MMP8: variants seen among roughly 807,000 people sequenced by gnomAD.
The protein encoded by MMP8 is matrix metallopeptidase 8.
In MMP8, 67 loss-of-function variants were observed where a neutral mutation model predicts 51.2. That is an observed-to-expected ratio of 1.31 (90% CI 1.08 to 1.60). The LOEUF is 1.60. Ranked by LOEUF, MMP8 falls within the 40% of genes most tolerant of loss-of-function variation. The probability of loss-of-function intolerance (pLI) is 0.00; values close to 1 mark genes in which losing one functional copy is unlikely to be tolerated. For missense variants in MMP8, 654 were observed against 558.1 expected (o/e 1.17, Z -1.73); for synonymous variants, 225 against 191.0 (o/e 1.18, Z -1.47).
At chr11:102,715,175 T>C in intron 7 of MMP8, 129 bp downstream of exon 7, 10 of 1,160,458 alleles carry the variant, frequency 8.6e-6, no homozygotes, top group Non-Finnish European at 9.5e-6. Flanking sequence ...CCAACCCTAG[T>C]CTTCTGGCAA....
chr11:102,718,369 T>G (rs1565438783), intron 5 of MMP8, 45 bp downstream of exon 5: 5 of 1,567,142 alleles, frequency 3.2e-6, no homozygotes, highest in Non-Finnish European at 4.3e-6. Flanking sequence ...GTTCGCCTAT[T>G]CCCAGGTCCT....
intron 5 of MMP8, among the ~76,000 whole-genome samples, chr11:102,716,898 A>C (rs920745660): frequency 2.0e-5 from 3 of 152,190 alleles, no homozygotes; most frequent in Non-Finnish European, 4.4e-5. Context: ...CTCACTGTGG[A>C]ATGAAAGGCT....
intron 7 of MMP8, 113 bp from the exon 8 acceptor site, chr11:102,714,822 G>A: frequency 3.9e-6 from 1 of 255,698 alleles, no homozygotes; most frequent in Non-Finnish European, 6.5e-6. Flanking sequence ...TCTTGGTCTT[G>A]CACATAGATA....
At position 102,713,105 on chromosome 11, in the gene MMP8, T is replaced by C. The variant is rs1305072754; in HGVS notation, c.*243A>G. 1 of 378,976 alleles carries C rather than the reference T, an allele frequency of 2.6e-6. No homozygotes were observed. Among genetic ancestry groups the C allele is most frequent in the African/African-American group, 2.1e-5 (1 of 47,652 alleles). The allele number at this position is 378,976 out of a possible 1,614,324, so 23.5% of individuals were successfully genotyped here. ...GTAAATATTGAGGTGACAAAAAGGC[T>C]TACTTTCCTTCTCTTTGATGGAATC... On this transcript the variant is annotated 3_prime_UTR_variant, in exon 10 of 10. Coordinates refer to ENST00000236826, the MANE Select transcript of MMP8 (RefSeq NM_002424.3).
In MMP8 at chr11:102,722,427, A is replaced by G; in HGVS notation, c.347+2T>C. Reference sequence around the variant, plus strand: ...TGTATCCTGAAACCCTAGAGATATCACCTGTAGGTCAAGTTAGTGCGTTCC... The same window carrying G: ...TGTATCCTGAAACCCTAGAGATATCGCCTGTAGGTCAAGTTAGTGCGTTCC... On this transcript the variant is annotated splice_donor_variant, in intron 2 of 9. Coordinates refer to ENST00000236826, the MANE Select transcript of MMP8 (RefSeq NM_002424.3). LOFTEE classifies it high-confidence loss of function. 6.2e-7 allele frequency: 1 copy of G among 1,613,464 alleles called. No homozygotes were observed. Among genetic ancestry groups the G allele is most frequent in the Non-Finnish European group, 8.5e-7 (1 of 1,179,656 alleles).
Position 102,713,201 on chromosome 11 carries a change from T to C in MMP8, c.*147A>G. 1.7e-6 allele frequency: 1 copy of C among 598,766 alleles called. No individual in the cohort carries two copies. The highest frequency in any genetic ancestry group is 3.0e-6 in the Non-Finnish European group (1 of 336,608). The allele number at this position is 598,766 out of a possible 1,614,324, so 37.1% of individuals were successfully genotyped here. On this transcript the variant is annotated 3_prime_UTR_variant, in exon 10 of 10. Coordinates refer to ENST00000236826, the MANE Select transcript of MMP8 (RefSeq NM_002424.3). Reference sequence around the variant, plus strand: ...ATAGTGGAATATTCCAAACATATTTTCACGGAGGACAGGTAGAATGGATAC... The same window carrying C: ...ATAGTGGAATATTCCAAACATATTTCCACGGAGGACAGGTAGAATGGATAC...
intron 7 of MMP8, among the ~76,000 whole-genome samples, 188 bp from the exon 8 acceptor site, chr11:102,714,897 G>C (rs1028818062): frequency 6.6e-6 from 1 of 151,112 alleles, no homozygotes; most frequent in African/African-American, 2.4e-5. Flanking sequence ...GGGGCTGTGA[G>C]AGCCTTAATG....
chr11:102,722,700 C>A (rs1458109204), intron 1 of MMP8, 27 bp from the exon 2 acceptor site: 2 of 1,609,294 alleles, frequency 1.2e-6, no homozygotes, highest in African/African-American at 1.3e-5. Flanking sequence ...ACATAGGGGT[C>A]TTGCTGTGAA....
At chr11:102,723,194 A>G (rs531500144) in intron 1 of MMP8, 113 of 483,738 alleles carry the variant, frequency 2.3e-4, no homozygotes, top group African/African-American at 2.1e-3. Flanking sequence ...AATTTCAAAT[A>G]TCTTTTAGGG....
intron 2 of MMP8, among the ~76,000 whole-genome samples, chr11:102,722,089 T>C (rs564296514): frequency 1.3e-5 from 2 of 152,104 alleles, no homozygotes; most frequent in Non-Finnish European, 2.9e-5. Context: ...TTAGATATTA[T>C]TATTATTATT....
Position 102,712,984 on chromosome 11 carries a change from C to T in MMP8, c.*364G>A. 1 of 182,248 alleles carries T rather than the reference C, an allele frequency of 5.5e-6. No individual in the cohort carries two copies. The highest frequency in any genetic ancestry group is 1.1e-5 in the Non-Finnish European group (1 of 87,148). 11.3% of individuals were successfully genotyped at this position (182,248 alleles called of 1,614,324 possible). A position where few individuals can be genotyped will look rare whatever the true frequency, so the allele number is the denominator to read the frequency against. On this transcript the variant is annotated 3_prime_UTR_variant, in exon 10 of 10. Coordinates refer to ENST00000236826, the MANE Select transcript of MMP8 (RefSeq NM_002424.3). ...TTCTAAATTGCATGTAGAAGATATA[C>T]ATAGGACATTTTAAGAAACTGAGGG...
rs1565434914 is a variant in MMP8 at position 102,713,461 on chromosome 11, TA to T, written c.1295-5del. The T allele has an allele frequency of 1.9e-6, 3 of 1,595,306 alleles. No homozygotes were observed. The highest frequency in any genetic ancestry group is 1.1e-5 in the South Asian group (1 of 90,434). On this transcript the variant is annotated splice_polypyrimidine_tract_variant and splice_region_variant and intron_variant, in intron 9 of 9. Transcript: ENST00000236826. The stretch of plus-strand genomic sequence containing the variant: ...CCACTGAAGACATGGAAGAAATCTA[TA>T]AAAAAAGAGAGATAATTTATTGAAT...
chr11:102,716,195 A>C, intron 6 of MMP8, 107 bp downstream of exon 6: 1 of 793,544 alleles, frequency 1.3e-6, no homozygotes. Context: ...TGAGAAGCAC[A>C]AGTATAGAAT....
intron 6 of MMP8, among the ~76,000 whole-genome samples, chr11:102,715,746 G>C (rs28662184): frequency 0.067 from 10,244 of 152,220 alleles, 448 homozygotes; most frequent in African/African-American, 0.12. Context: ...ATTGCTCCCA[G>C]TAAATGCTGT....
At position 102,715,306 on chromosome 11, in the gene MMP8, T is replaced by G. The variant is rs1324069133; in HGVS notation, c.1034A>C (p.Lys345Thr). 6.2e-7 allele frequency: 1 copy of G among 1,609,344 alleles called. No individual in the cohort carries two copies. The highest frequency in any genetic ancestry group is 8.5e-7 in the Non-Finnish European group (1 of 1,178,480). ...DFDRDLIFLF[K>T]GNQYWALSGY... The stretch of plus-strand genomic sequence containing the variant: ...AGATGAAAACTTTAGGAAGTTACCT[T>G]TAAATAGGAAAATGAGGTCTCTGTC... The change falls in exon 7 of 10, where the codon AAA becomes ACA. Residue 345 changes from lysine (K) to threonine (T), a missense_variant and splice_region_variant. Transcript: ENST00000236826.
At chr11:102,718,374 G>T (rs1455612021) in intron 5 of MMP8, 40 bp downstream of exon 5, 8 of 1,577,408 alleles carry the variant, frequency 5.1e-6, no homozygotes, top group Non-Finnish European at 6.9e-6. Flanking sequence ...CCTATTCCCA[G>T]GTCCTACCAT....
chr11:102,724,878 C>A lies in MMP8; in HGVS notation c.-23G>T. On this transcript the variant is annotated 5_prime_UTR_variant, in exon 1 of 10. Coordinates refer to ENST00000236826, the MANE Select transcript of MMP8 (RefSeq NM_002424.3). ...CATGATCTTCTCTTCAAACTCTACC[C>A]CTCCTGGCTTTCTTTCTGTCCCTCT... 1.9e-6 allele frequency: 3 copies of A among 1,597,948 alleles called. No individual in the cohort carries two copies. The highest frequency in any genetic ancestry group is 2.6e-6 in the Non-Finnish European group (3 of 1,170,932).
chr11:102,719,139 T>C lies in MMP8; in HGVS notation c.623-564A>G, dbSNP rs374442060. 2.0e-5 allele frequency among the ~76,000 whole-genome samples: 3 copies of C among 152,318 alleles called. No individual in the cohort carries two copies. The East Asian group carries it at 5.8e-4, about 29-fold the overall frequency. ...TTCTCTACTGGAGAGAGACAAATCC[T>C]ACCCTTATTGCTCTCTTTCTCCATG... On this transcript the variant is annotated intron_variant, in intron 4 of 9. Coordinates refer to ENST00000236826, the MANE Select transcript of MMP8 (RefSeq NM_002424.3).
chr11:102,722,788 A>G, intron 1 of MMP8, 115 bp from the exon 2 acceptor site: 1 of 1,421,748 alleles, frequency 7.0e-7, no homozygotes, highest in Non-Finnish European at 9.4e-7. Context: ...AGCCACAGGA[A>G]CAATAACACA....
Sources: allele counts gnomAD v4.1 joint callset (sites outside exome capture counted in the v4.1 genomes callset), GRCh38; gene constraint gnomAD v4.1.1; transcripts MANE v1.5; gene names NCBI Gene and HGNC (gene_info 2026-07-23, HGNC 2026-07-21).